Variants in RPH3A observed in about 807,000 individuals in gnomAD.
RPH3A encodes the protein rabphilin 3A, also known as rabphilin-3A.
RPH3A carries 48 observed loss-of-function variants against 102.2 expected under a neutral mutation model. The observed-to-expected ratio is 0.47, with a 90% CI of 0.37 to 0.60. RPH3A has a LOEUF of 0.60. RPH3A is among the 20% of genes least tolerant of loss of function. The probability of loss-of-function intolerance (pLI) is 0.00; values close to 1 mark genes in which losing one functional copy is unlikely to be tolerated. For synonymous variants in RPH3A, 310 were observed against 324.3 expected (o/e 0.96, Z 0.47); for missense variants, 781 against 910.1 (o/e 0.86, Z 1.83).
chr12:112,803,706 GCTCC>G (rs781142516), intron 2 of RPH3A, among the ~76,000 whole-genome samples: 8 of 152,096 alleles, frequency 5.3e-5, no homozygotes, highest in Non-Finnish European at 1.0e-4. Flanking sequence ...TTAGTCTTCA[GCTCC>G]TTCCAGCTTG....
intron 2 of RPH3A, among the ~76,000 whole-genome samples, chr12:112,812,372 T>C (rs2041593805): frequency 6.6e-6 from 1 of 152,180 alleles, no homozygotes; most frequent in Non-Finnish European, 1.5e-5. Flanking sequence ...CTGTGGAGGA[T>C]TATTTCTTGA....
chr12:112,584,504 A>G (rs2039423981), intron 1 of RPH3A, among the ~76,000 whole-genome samples: 1 of 152,128 alleles, frequency 6.6e-6, no homozygotes, highest in African/African-American at 2.4e-5. Flanking sequence ...TTCTGATCCA[A>G]TTAACTGTGT....
chr12:112,586,439 C>T (rs374494954), intron 1 of RPH3A, among the ~76,000 whole-genome samples: 174 of 152,076 alleles, frequency 1.1e-3, no homozygotes, highest in African/African-American at 4.0e-3. Context: ...GAGTAAGGAC[C>T]TGGATGCAGT....
At chr12:112,780,734 C>G (rs912022944) in intron 1 of RPH3A, among the ~76,000 whole-genome samples, 3 of 152,166 alleles carry the variant, frequency 2.0e-5, no homozygotes, top group Non-Finnish European at 4.4e-5. Flanking sequence ...TGGAGTGTCT[C>G]AGAACCTCTG....
chr12:112,784,997 T>G (rs1004398153), intron 1 of RPH3A, among the ~76,000 whole-genome samples: 2 of 151,114 alleles, frequency 1.3e-5, no homozygotes, highest in Non-Finnish European at 3.0e-5. Context: ...CAGAGGCGGG[T>G]GGATCACCTG....
chr12:112,710,495 C>T (rs2040453351), intron 1 of RPH3A, among the ~76,000 whole-genome samples: 1 of 152,184 alleles, frequency 6.6e-6, no homozygotes, highest in African/African-American at 2.4e-5. Context: ...ATTCCATGAT[C>T]CCAGGCCACA....
chr12:112,576,672 C>T (rs117067694), intron 1 of RPH3A, among the ~76,000 whole-genome samples: 4,066 of 152,100 alleles, frequency 0.027, 65 homozygotes, highest in Non-Finnish European at 0.03. Flanking sequence ...CTTATTTTCA[C>T]GCCCCTGAAG....
rs375580137 is a variant in RPH3A, at chr12:112,825,596, A to G, written c.-18-2705A>G. Among the ~76,000 whole-genome samples the G allele has an allele frequency of 3.2e-4, 49 of 152,310 alleles. No homozygotes were observed. The South Asian group carries it at 9.1e-3, about 28-fold the overall frequency. Reference sequence around the variant, plus strand: ...CGGGGGCAGGTTCAGAAAGAACGGAAGCCTGGCTGAGTTGAGCCGCACTGA... The same window carrying G: ...CGGGGGCAGGTTCAGAAAGAACGGAGGCCTGGCTGAGTTGAGCCGCACTGA... On this transcript the variant is annotated intron_variant, in intron 2 of 21. Transcript: ENST00000389385.
chr12:112,688,480 A>G (rs2040283944), intron 1 of RPH3A, among the ~76,000 whole-genome samples: 1 of 152,168 alleles, frequency 6.6e-6, no homozygotes, highest in Non-Finnish European at 1.5e-5. Flanking sequence ...CCATTTTTCA[A>G]AGAATATTCC....
chr12:112,736,414 C>T (rs927676660), intron 1 of RPH3A, among the ~76,000 whole-genome samples: 5 of 152,230 alleles, frequency 3.3e-5, no homozygotes, highest in Non-Finnish European at 7.3e-5. Context: ...ACTGTCCCCT[C>T]ACTGGACCAA....
intron 4 of RPH3A, among the ~76,000 whole-genome samples, chr12:112,843,344 A>G (rs557030448): frequency 6.6e-6 from 1 of 152,314 alleles, no homozygotes; most frequent in South Asian, 2.1e-4. Flanking sequence ...ACTGAGACCA[A>G]TCGGCGACAT....
chr12:112,670,618 G>A (rs2040121148), intron 1 of RPH3A, among the ~76,000 whole-genome samples: 2 of 152,146 alleles, frequency 1.3e-5, no homozygotes, highest in South Asian at 4.1e-4. Context: ...TTGTCCTTTA[G>A]GTCTGGGCTG....
chr12:112,737,215 T>C (rs1268273741), intron 1 of RPH3A, among the ~76,000 whole-genome samples: 1 of 148,712 alleles, frequency 6.7e-6, no homozygotes, highest in Non-Finnish European at 1.5e-5. Context: ...ATAAAGTGAG[T>C]TGTTAATAGA....
intron 1 of RPH3A, among the ~76,000 whole-genome samples, chr12:112,673,538 T>TAA (rs200882591): frequency 1.6e-4 from 23 of 144,498 alleles, no homozygotes; most frequent in Admixed American, 6.2e-4. Context: ...TTTTAAAAAC[T>TAA]AAAAAAAAAA....
chr12:112,608,831 C>G (rs771738646), intron 1 of RPH3A, among the ~76,000 whole-genome samples: 1 of 152,164 alleles, frequency 6.6e-6, no homozygotes, highest in Non-Finnish European at 1.5e-5. Flanking sequence ...AATATTTGAT[C>G]TGGATTTCTA....
At chr12:112,859,032 A>G (rs1035319408) in intron 5 of RPH3A, among the ~76,000 whole-genome samples, 5 of 152,390 alleles carry the variant, frequency 3.3e-5, no homozygotes, top group African/African-American at 1.2e-4. Context: ...AGCCACTTAC[A>G]GGGTTCAGCT....
At chr12:112,757,849 G>A (rs577932811) in intron 1 of RPH3A, among the ~76,000 whole-genome samples, 13 of 152,270 alleles carry the variant, frequency 8.5e-5, no homozygotes, top group Admixed American at 3.9e-4. Context: ...TCACCTGGAT[G>A]GAAGGTGTCA....
chr12:112,774,778 G>T (rs139517923), intron 1 of RPH3A, among the ~76,000 whole-genome samples: 40 of 152,002 alleles, frequency 2.6e-4, no homozygotes, highest in Admixed American at 1.5e-3. Context: ...AGCAGGTCGG[G>T]GGGTGAGGTA....
chr12:112,824,666 T>G (rs1800980130), intron 2 of RPH3A, among the ~76,000 whole-genome samples: 1 of 152,136 alleles, frequency 6.6e-6, no homozygotes, highest in Admixed American at 6.5e-5. Context: ...GGATGTTAAG[T>G]GCATTGAGAG....
Sources: gnomAD v4.1 joint callset for allele counts (sites outside exome capture counted in the v4.1 genomes callset) on GRCh38, gnomAD v4.1.1 for gene constraint, MANE v1.5 for transcripts, NCBI Gene and HGNC (gene_info 2026-07-23, HGNC 2026-07-21) for gene names.